NHS: variants seen among roughly 807,000 people sequenced by gnomAD.
NHS encodes NHS actin remodeling regulator.
NHS carries 5 observed loss-of-function variants against 72.5 expected under a neutral mutation model. The ratio of observed to expected loss-of-function variants is 0.07; its 90% CI spans 0.04 to 0.14. The LOEUF (loss-of-function observed/expected upper bound fraction) is 0.14, where lower values mean the gene tolerates loss of function less well. Ranked by LOEUF, NHS falls within the 10% of genes least tolerant of loss-of-function variation. The pLI, the probability that NHS is intolerant of heterozygous loss-of-function variation, is 1.00. For synonymous variants in NHS, 464 were observed against 547.7 expected, an observed-to-expected ratio of 0.85 and a Z score of 2.13; for missense variants, 1,072 against 1,355.7, an observed-to-expected ratio of 0.79 and a Z score of 3.29.
chrX:17,707,854 C>G (rs1005427427), intron 3 of NHS, among the ~76,000 whole-genome samples: 1 of 111,588 alleles, frequency 9.0e-6, no homozygotes, highest in Admixed American at 9.5e-5. Flanking sequence ...CCTTCCCTTT[C>G]TCTGTGGGTT....
intron 1 of NHS, among the ~76,000 whole-genome samples, chrX:17,522,490 G>GCC (rs1221334856): frequency 3.5e-4 from 4 of 11,457 alleles, no homozygotes; most frequent in Admixed American, 1.3e-3. Flanking sequence ...GTAGCCAGAA[G>GCC]CCGCCCCCCC....
chrX:17,721,306 T>A, intron 4 of NHS, 135 bp from the exon 5 acceptor site: 1 of 572,239 alleles, frequency 1.7e-6, no homozygotes, highest in East Asian at 3.6e-5. Context: ...GCTTACTAAC[T>A]ATTTCTAGGA....
chrX:17,719,704 C>G (rs960178428), intron 4 of NHS, among the ~76,000 whole-genome samples: 3 of 111,057 alleles, frequency 2.7e-5, no homozygotes, highest in African/African-American at 9.8e-5. Flanking sequence ...TTTAATTTAT[C>G]AGAACTGTAA....
At chrX:17,478,026 T>G (rs1027922797) in intron 1 of NHS, among the ~76,000 whole-genome samples, 1 of 111,972 alleles carries the variant, frequency 8.9e-6, no homozygotes, top group East Asian at 2.8e-4. Context: ...CACGTTCACT[T>G]TAGATCCTGC....
At chrX:17,699,925 C>G (rs1190140174) in intron 3 of NHS, among the ~76,000 whole-genome samples, 2 of 111,493 alleles carry the variant, frequency 1.8e-5, no homozygotes, top group Non-Finnish European at 3.8e-5. Context: ...TTTGCATGCC[C>G]AAACACCGTA....
chrX:17,710,504 A>C lies in NHS; in HGVS notation c.853-8840A>C, dbSNP rs755103007. Reference sequence around the variant, plus strand: ...AACAACTTGGATGGATTGCAAAGGCATTATTCTGGGTGAAAGAAACCAGTC... The same window carrying C: ...AACAACTTGGATGGATTGCAAAGGCCTTATTCTGGGTGAAAGAAACCAGTC... On this transcript the variant is annotated intron_variant, in intron 3 of 8. Transcript: ENST00000676302. Among the ~76,000 whole-genome samples, 5 of 112,871 alleles carry C rather than the reference A, an allele frequency of 4.4e-5. No individual in the cohort carries two copies. In the East Asian group the frequency reaches 1.4e-3, roughly 31 times the overall value.
intron 1 of NHS, among the ~76,000 whole-genome samples, chrX:17,511,151 G>A (rs1166838264): frequency 4.5e-5 from 5 of 111,854 alleles, no homozygotes; most frequent in Non-Finnish European, 7.5e-5. Flanking sequence ...CTTGTGGGTG[G>A]GCAGGATGTG....
At chrX:17,419,337 C>T (rs1306921934) in intron 1 of NHS, among the ~76,000 whole-genome samples, 1 of 112,237 alleles carries the variant, frequency 8.9e-6, no homozygotes, top group Non-Finnish European at 1.9e-5. Flanking sequence ...TTCAAGTGGA[C>T]CTTCTGAATC....
chrX:17,647,012 A>G (rs1165856868), intron 1 of NHS, among the ~76,000 whole-genome samples: 1 of 112,069 alleles, frequency 8.9e-6, no homozygotes, highest in East Asian at 2.8e-4. Flanking sequence ...TAAAAAAGTC[A>G]TAGACGTATA....
At chrX:17,723,749 G>GTGTGTGTGTGTGTA (rs2066420781) in intron 5 of NHS, among the ~76,000 whole-genome samples, 1 of 94,906 alleles carries the variant, frequency 1.1e-5, no homozygotes, top group African/African-American at 4.7e-5. Context: ...GTGTGTGTGT[G>GTGTGTGTGTGTGTA]TGTGTGTGTG....
At chrX:17,483,937 G>A (rs1000571943) in intron 1 of NHS, among the ~76,000 whole-genome samples, 1 of 111,707 alleles carries the variant, frequency 9.0e-6, no homozygotes, top group Non-Finnish European at 1.9e-5. Flanking sequence ...GAAGTATCAA[G>A]CAGCTTTTCT....
chrX:17,436,562 G>A (rs1157418659), intron 1 of NHS, among the ~76,000 whole-genome samples: 1 of 106,267 alleles, frequency 9.4e-6, no homozygotes, highest in Admixed American at 1.0e-4. Flanking sequence ...TTATTTCTGT[G>A]TCATATACTG....
At chrX:17,631,468 A>G (rs2065821910) in intron 1 of NHS, among the ~76,000 whole-genome samples, 1 of 111,881 alleles carries the variant, frequency 8.9e-6, no homozygotes, top group East Asian at 2.8e-4. Context: ...GTTATCAGAG[A>G]CTCTATATTA....
At chrX:17,717,282 T>C (rs185194304) in intron 3 of NHS, among the ~76,000 whole-genome samples, 72 of 112,566 alleles carry the variant, frequency 6.4e-4, no homozygotes, top group African/African-American at 2.2e-3. Flanking sequence ...TTACTTTCTT[T>C]GGGGTTCCCA....
chrX:17,718,807 G>A lies in NHS; in HGVS notation c.853-537G>A, dbSNP rs757324964. Among the ~76,000 whole-genome samples the A allele has an allele frequency of 4.4e-5, 4 of 90,619 alleles. No individual in the cohort carries two copies. In the South Asian group the frequency reaches 2.6e-3, roughly 59 times the overall value. The allele number at this position is 90,619 out of a possible 115,157, so 78.7% of individuals were successfully genotyped here. A position where few individuals can be genotyped will look rare whatever the true frequency, so the allele number is the denominator to read the frequency against. ...AGGAGGGAAAGAAGGAAGGAAGGGGGAAGGAGGGAAGGTAGGAAGGGAAAG... is the reference window on the plus strand; with the variant it reads ...AGGAGGGAAAGAAGGAAGGAAGGGGAAAGGAGGGAAGGTAGGAAGGGAAAG... On this transcript the variant is annotated intron_variant, in intron 3 of 8. Transcript: ENST00000676302.
chrX:17,419,621 AAGAG>A (rs753363879), intron 1 of NHS, among the ~76,000 whole-genome samples: 4 of 110,671 alleles, frequency 3.6e-5, no homozygotes, highest in African/African-American at 9.9e-5. Context: ...ATATGATAGA[AAGAG>A]AGAATATTTC....
chrX:17,712,133 G>A (rs780646843), intron 3 of NHS, among the ~76,000 whole-genome samples: 126 of 104,370 alleles, frequency 1.2e-3, no homozygotes, highest in African/African-American at 4.1e-3. Flanking sequence ...TCAACATTAA[G>A]TGTTATTAAT....
At chrX:17,558,891 A>G (rs1296054334) in intron 1 of NHS, among the ~76,000 whole-genome samples, 2 of 112,699 alleles carry the variant, frequency 1.8e-5, no homozygotes, top group Non-Finnish European at 3.7e-5. Context: ...TTAATTTCCT[A>G]TTATAAACTT....
intron 1 of NHS, among the ~76,000 whole-genome samples, chrX:17,603,548 C>G (rs1288153357): frequency 9.0e-6 from 1 of 111,505 alleles, no homozygotes; most frequent in Non-Finnish European, 1.9e-5. Context: ...TTTTCTCTTT[C>G]CAGAATCTAC....
Sources: gnomAD v4.1 joint callset for allele counts (sites outside exome capture counted in the v4.1 genomes callset) on GRCh38, gnomAD v4.1.1 for gene constraint, MANE v1.5 for transcripts, NCBI Gene and HGNC (gene_info 2026-07-23, HGNC 2026-07-21) for gene names.